The following ZBTB20 variants were observed in gnomAD, a reference collection of about 807,000 sequenced individuals.
ZBTB20 encodes the protein zinc finger and BTB domain containing 20, also known as zinc finger and BTB domain-containing protein 20.
A neutral mutation model predicts 56.9 loss-of-function variants in ZBTB20; 9 were observed. The observed-to-expected ratio is 0.16, with a 90% confidence interval of 0.10 to 0.28. The LOEUF is 0.28. ZBTB20 is among the 10% of genes least tolerant of loss of function. ZBTB20 has a pLI of 1.00. For missense variants in ZBTB20, 655 were observed against 1,003.0 expected (o/e 0.65, Z 4.69); for synonymous variants, 417 against 420.7 (o/e 0.99, Z 0.11).
chr3:115,107,283 G>GATGGCATGCACCTGTAGTCCT (rs1441237309), intron 1 of ZBTB20, among the ~76,000 whole-genome samples: 6 of 152,122 alleles, frequency 3.9e-5, no homozygotes, highest in Non-Finnish European at 8.8e-5. Flanking sequence ...AGCCTTGTAT[G>GATGGCATGCACCTGTAGTCCT]ATGGCATGCA....
intron 4 of ZBTB20, among the ~76,000 whole-genome samples, chr3:114,891,168 C>G (rs1054189721): frequency 1.2e-4 from 19 of 152,228 alleles, no homozygotes; most frequent in African/African-American, 4.1e-4. Flanking sequence ...ACTCTGAGGT[C>G]AAGTTTTGGT....
At chr3:114,406,726 T>C (rs1576621015) in intron 7 of ZBTB20, among the ~76,000 whole-genome samples, 2 of 152,082 alleles carry the variant, frequency 1.3e-5, no homozygotes, top group East Asian at 3.9e-4. Flanking sequence ...GCTAGACAGG[T>C]TTGTAGAGTC....
At chr3:114,369,838 CA>C (rs1213176622) in intron 10 of ZBTB20, among the ~76,000 whole-genome samples, 1 of 152,090 alleles carries the variant, frequency 6.6e-6, no homozygotes, top group Non-Finnish European at 1.5e-5. Context: ...TTTGTCATTT[CA>C]AAAACAATTG....
chr3:115,071,424 G>A lies in ZBTB20; in HGVS notation c.-702-10C>T, dbSNP rs1444706135. On this transcript the variant is annotated splice_polypyrimidine_tract_variant and intron_variant, in intron 1 of 11. Transcript: ENST00000675478. The stretch of plus-strand genomic sequence containing the variant: ...TAAGTCCTGGCAGTGCCTTTGGTGA[G>A]GAGAGTAAAGAAGAAATAGAAAGAT... 1 of 152,128 alleles carries A rather than the reference G, an allele frequency of 6.6e-6. No individual in the cohort carries two copies. The highest frequency in any genetic ancestry group is 1.5e-5 in the Non-Finnish European group (1 of 68,046). The allele number at this position is 152,128 out of a possible 1,614,324, so 9.4% of individuals were successfully genotyped here.
chr3:114,579,037 AC>A (rs1204166841), intron 6 of ZBTB20, among the ~76,000 whole-genome samples: 1 of 151,820 alleles, frequency 6.6e-6, no homozygotes, highest in Non-Finnish European at 1.5e-5. Flanking sequence ...CCTTTTTTAT[AC>A]TAAGAAGAAG....
chr3:114,533,041 G>A (rs998265271), intron 6 of ZBTB20, among the ~76,000 whole-genome samples: 11 of 152,098 alleles, frequency 7.2e-5, no homozygotes, highest in South Asian at 4.1e-4. Context: ...GGAAAAACCA[G>A]CTTAAAAAGG....
chr3:114,836,551 C>A (rs1441398183), intron 4 of ZBTB20, among the ~76,000 whole-genome samples: 1 of 152,202 alleles, frequency 6.6e-6, no homozygotes, highest in Admixed American at 6.5e-5. Flanking sequence ...CTCCTCTAAT[C>A]TAACTGTACT....
intron 4 of ZBTB20, among the ~76,000 whole-genome samples, chr3:114,820,840 C>A (rs1438108829): frequency 6.6e-6 from 1 of 152,088 alleles, no homozygotes; most frequent in Non-Finnish European, 1.5e-5. Flanking sequence ...TTGACTACAG[C>A]ATTCACCCAA....
At chr3:114,832,756 C>T (rs1345798509) in intron 4 of ZBTB20, among the ~76,000 whole-genome samples, 2 of 151,988 alleles carry the variant, frequency 1.3e-5, no homozygotes, top group South Asian at 4.2e-4. Context: ...ATTGAGTGAA[C>T]CTGGCTTCTC....
chr3:114,332,072 T>G lies in ZBTB20; in HGVS notation c.*6933A>C, dbSNP rs1467713752. 1.3e-5 allele frequency: 2 copies of G among 149,056 alleles called. No homozygotes were observed. Among genetic ancestry groups the G allele is most frequent in the African/African-American group, 2.5e-5 (1 of 40,316 alleles). 9.2% of individuals were successfully genotyped at this position (149,056 alleles called of 1,614,324 possible). A position where few individuals can be genotyped will look rare whatever the true frequency, so the allele number is the denominator to read the frequency against. ...ATGCCCCCAAGGTTTTTTTTTTTTT[T>G]TTTTTTTTTTTCTCTCTTGGATGTA... On this transcript the variant is annotated 3_prime_UTR_variant, in exon 12 of 12. Coordinates refer to ENST00000675478, the MANE Select transcript of ZBTB20 (RefSeq NM_001348800.3).
chr3:114,576,395 G>T (rs1408384148), intron 6 of ZBTB20, among the ~76,000 whole-genome samples: 4 of 150,488 alleles, frequency 2.7e-5, no homozygotes, highest in African/African-American at 9.8e-5. Context: ...CCAGCTACTC[G>T]GGAGGCTGAG....
At chr3:114,951,101 C>T (rs2077051402) in intron 3 of ZBTB20, among the ~76,000 whole-genome samples, 1 of 152,016 alleles carries the variant, frequency 6.6e-6, no homozygotes, top group African/African-American at 2.4e-5. Context: ...GTGCTGCTTA[C>T]ATGAATATGT....
At chr3:114,951,369 T>TA in intron 3 of ZBTB20, among the ~76,000 whole-genome samples, 1 of 152,132 alleles carries the variant, frequency 6.6e-6, no homozygotes, top group Admixed American at 6.6e-5. Context: ...CCAGGAAAAC[T>TA]AAAAAATACT....
At chr3:114,943,787 T>C (rs2076798994) in intron 3 of ZBTB20, among the ~76,000 whole-genome samples, 1 of 143,422 alleles carries the variant, frequency 7.0e-6, no homozygotes, top group East Asian at 2.0e-4. Flanking sequence ...GTAAGGAGAA[T>C]AGGCAGAAGC....
At chr3:115,040,857 G>A (rs1045220094) in intron 2 of ZBTB20, among the ~76,000 whole-genome samples, 4 of 151,968 alleles carry the variant, frequency 2.6e-5, no homozygotes, top group Admixed American at 6.6e-5. Context: ...CACCAGCAAG[G>A]GTAAATTAAT....
At chr3:114,893,737 G>A (rs2074736910) in intron 4 of ZBTB20, among the ~76,000 whole-genome samples, 1 of 152,070 alleles carries the variant, frequency 6.6e-6, no homozygotes, top group African/African-American at 2.4e-5. Context: ...TGAGGAAGGG[G>A]AGGGAGTGAG....
At chr3:115,079,177 A>G (rs1201136154) in intron 1 of ZBTB20, among the ~76,000 whole-genome samples, 1 of 152,206 alleles carries the variant, frequency 6.6e-6, no homozygotes, top group Non-Finnish European at 1.5e-5. Flanking sequence ...GAGGTAGGGC[A>G]CAATAACAAG....
intron 5 of ZBTB20, among the ~76,000 whole-genome samples, chr3:114,695,964 G>C (rs1237215950): frequency 1.3e-5 from 2 of 152,000 alleles, no homozygotes; most frequent in East Asian, 3.9e-4. Context: ...TATAGATCCT[G>C]TTAAGAAAAT....
chr3:114,921,689 G>A lies in ZBTB20; in HGVS notation c.-455-21347C>T, dbSNP rs1053458304. On this transcript the variant is annotated intron_variant, in intron 3 of 11. Coordinates refer to ENST00000675478, the MANE Select transcript of ZBTB20 (RefSeq NM_001348800.3). Reference sequence around the variant, plus strand: ...TGAGAACACTTGGACACAGGAAGGGGAACATCACACACCAGAGCCTGTTTT... The same window carrying A: ...TGAGAACACTTGGACACAGGAAGGGAAACATCACACACCAGAGCCTGTTTT... Among the ~76,000 whole-genome samples the A allele has an allele frequency of 3.7e-5, 5 of 133,724 alleles. No individual in the cohort carries two copies. In the Admixed American group the frequency reaches 4.3e-4, roughly 12 times the overall value. The allele number at this position is 133,724 out of a possible 152,430, so 87.7% of individuals were successfully genotyped here.
Sources: gnomAD v4.1 joint callset for allele counts (sites outside exome capture counted in the v4.1 genomes callset) on GRCh38, gnomAD v4.1.1 for gene constraint, MANE v1.5 for transcripts, NCBI Gene and HGNC (gene_info 2026-07-23, HGNC 2026-07-21) for gene names.